The following PAFAH1B1 variants were observed in gnomAD, a reference collection of about 807,000 sequenced individuals.
PAFAH1B1 encodes platelet activating factor acetylhydrolase 1b regulatory subunit 1, also known as platelet-activating factor acetylhydrolase IB subunit beta.
Under a neutral mutation model 57.5 loss-of-function variants are expected in PAFAH1B1, and 2 were observed. The observed-to-expected ratio is 0.03, with a 90% CI of 0.01 to 0.11. The LOEUF is 0.11. Among genes scored for constraint, PAFAH1B1 ranks in the 10% least tolerant of loss-of-function variants. The pLI is 1.00. For missense variants in PAFAH1B1, 257 were observed against 512.0 expected (o/e 0.50, Z 4.81); for synonymous variants, 152 against 169.6 (o/e 0.90, Z 0.81).
intron 2 of PAFAH1B1, among the ~76,000 whole-genome samples, chr17:2,660,301 T>C (rs529545999): frequency 1.3e-5 from 2 of 152,152 alleles, no homozygotes; most frequent in South Asian, 4.1e-4. Context: ...GTTACATAGG[T>C]AAATGTGTGC....
intron 1 of PAFAH1B1, among the ~76,000 whole-genome samples, chr17:2,609,373 T>G (rs1009099802): frequency 2.0e-5 from 3 of 152,208 alleles, no homozygotes; most frequent in African/African-American, 7.2e-5. Flanking sequence ...TCCTCCTTGT[T>G]GGTGTTTATT....
At chr17:2,637,091 A>G (rs1046210622) in intron 1 of PAFAH1B1, among the ~76,000 whole-genome samples, 4 of 152,140 alleles carry the variant, frequency 2.6e-5, no homozygotes, top group African/African-American at 9.7e-5. Context: ...AGTGACTGGA[A>G]TGGCATTTGA....
intron 1 of PAFAH1B1, among the ~76,000 whole-genome samples, chr17:2,594,493 G>T (rs1336967910): frequency 1.3e-5 from 2 of 152,198 alleles, no homozygotes; most frequent in Non-Finnish European, 2.9e-5. Flanking sequence ...TCGGCTCGGG[G>T]ACCGGCTCAG....
chr17:2,630,488 T>C (rs1261651435), intron 1 of PAFAH1B1, among the ~76,000 whole-genome samples: 4 of 152,232 alleles, frequency 2.6e-5, no homozygotes, highest in Admixed American at 2.6e-4. Context: ...GCTGTTAAAC[T>C]GATAGGTTTT....
intron 1 of PAFAH1B1, among the ~76,000 whole-genome samples, chr17:2,618,454 A>G (rs555228928): frequency 5.9e-5 from 9 of 152,292 alleles, no homozygotes; most frequent in African/African-American, 1.7e-4. Context: ...AAATAAAAAG[A>G]TTGATCTAAG....
intron 2 of PAFAH1B1, among the ~76,000 whole-genome samples, chr17:2,648,522 C>T (rs540168715): frequency 1.3e-5 from 2 of 151,590 alleles, no homozygotes; most frequent in East Asian, 3.9e-4. Flanking sequence ...ACTAAAAATA[C>T]AAAAAAATAG....
chr17:2,618,213 C>T (rs2068373092), intron 1 of PAFAH1B1, among the ~76,000 whole-genome samples: 2 of 152,160 alleles, frequency 1.3e-5, no homozygotes, highest in Admixed American at 1.3e-4. Context: ...TGCGCCACTA[C>T]ACTCCAGCCT....
intron 1 of PAFAH1B1, among the ~76,000 whole-genome samples, chr17:2,628,978 T>C (rs1266472): frequency 0.11 from 16,962 of 152,240 alleles, 2,660 homozygotes; most frequent in African/African-American, 0.35. Flanking sequence ...ATTTTCTCTC[T>C]GCTTTCCTTG....
intron 2 of PAFAH1B1, among the ~76,000 whole-genome samples, chr17:2,662,623 T>G (rs1346366527): frequency 2.6e-5 from 4 of 151,962 alleles, no homozygotes; most frequent in Admixed American, 2.6e-4. Flanking sequence ...CAGGCTGCTC[T>G]TGAACTCCTG....
At chr17:2,673,309 C>T (rs977606397) in intron 7 of PAFAH1B1, among the ~76,000 whole-genome samples, 1 of 152,044 alleles carries the variant, frequency 6.6e-6, no homozygotes, top group Non-Finnish European at 1.5e-5. Flanking sequence ...CTGTGGTCTT[C>T]TTTTAGGTGA....
intron 2 of PAFAH1B1, among the ~76,000 whole-genome samples, chr17:2,654,016 C>T (rs1163253465): frequency 3.3e-5 from 5 of 151,712 alleles, no homozygotes; most frequent in African/African-American, 1.2e-4. Context: ...ACCATGTTAG[C>T]CAGGATGGTC....
At chr17:2,645,677 G>T (rs1377712436) in intron 2 of PAFAH1B1, among the ~76,000 whole-genome samples, 1 of 150,070 alleles carries the variant, frequency 6.7e-6, no homozygotes, top group Non-Finnish European at 1.5e-5. Flanking sequence ...GCAGTGGCAC[G>T]ATCTCAGCTC....
intron 2 of PAFAH1B1, among the ~76,000 whole-genome samples, chr17:2,663,542 T>G (rs2069049711): frequency 1.4e-5 from 2 of 141,350 alleles, no homozygotes; most frequent in African/African-American, 5.3e-5. Context: ...TGTGAGCCAC[T>G]GCCACCTGCT....
chr17:2,670,437 T>A (rs1394191331), intron 6 of PAFAH1B1, 106 bp downstream of exon 6: 1 of 1,078,754 alleles, frequency 9.3e-7, no homozygotes, highest in African/African-American at 1.5e-5. Flanking sequence ...CTCTTAATTG[T>A]CAGTATTGGT....
intron 1 of PAFAH1B1, among the ~76,000 whole-genome samples, chr17:2,630,050 A>C (rs1168457246): frequency 6.6e-6 from 1 of 152,174 alleles, no homozygotes; most frequent in Non-Finnish European, 1.5e-5. Context: ...GCAGTTCTGC[A>C]TCTTTTAAGT....
At chr17:2,621,478 G>C (rs902186318) in intron 1 of PAFAH1B1, among the ~76,000 whole-genome samples, 1 of 152,098 alleles carries the variant, frequency 6.6e-6, no homozygotes, top group Non-Finnish European at 1.5e-5. Context: ...GAAAGCAACT[G>C]GCCTGAAAAG....
intron 1 of PAFAH1B1, among the ~76,000 whole-genome samples, chr17:2,632,573 G>T (rs7213173): frequency 0.28 from 42,713 of 151,948 alleles, 6,155 homozygotes; most frequent in Middle Eastern, 0.35. Flanking sequence ...CGTACAGTTG[G>T]CCCTCTGTAT....
In PAFAH1B1 at chr17:2,683,616, A is replaced by G. The variant is rs1476152156; in HGVS notation, c.*1814A>G. 2 of 152,520 alleles carry G rather than the reference A, an allele frequency of 1.3e-5. No homozygotes were observed. The highest frequency in any genetic ancestry group is 2.9e-5 in the Non-Finnish European group (2 of 68,054). The allele number at this position is 152,520 out of a possible 1,614,324, so 9.4% of individuals were successfully genotyped here. A position where few individuals can be genotyped will look rare whatever the true frequency, so the allele number is the denominator to read the frequency against. On this transcript the variant is annotated 3_prime_UTR_variant, in exon 11 of 11. Transcript: ENST00000397195. ...CCTGAGAGATGTCTCTGGAAGGGAAAGTTTTGAGAACTAATGGCTATTTTT... is the reference window on the plus strand; with the variant it reads ...CCTGAGAGATGTCTCTGGAAGGGAAGGTTTTGAGAACTAATGGCTATTTTT...
At chr17:2,666,310 C>G (rs373070252) in intron 4 of PAFAH1B1, among the ~76,000 whole-genome samples, 1 of 152,096 alleles carries the variant, frequency 6.6e-6, no homozygotes, top group African/African-American at 2.4e-5. Flanking sequence ...CTGCATAGTC[C>G]TGACTTTGAG....
Sources: gnomAD v4.1 joint callset for allele counts (sites outside exome capture counted in the v4.1 genomes callset) on GRCh38, gnomAD v4.1.1 for gene constraint, MANE v1.5 for transcripts, NCBI Gene and HGNC (gene_info 2026-07-23, HGNC 2026-07-21) for gene names.